Variants in PFKP observed in about 807,000 individuals in gnomAD.
The protein encoded by PFKP is phosphofructokinase, platelet.
Under a neutral mutation model 94.3 loss-of-function variants are expected in PFKP, and 101 were observed. That is an observed-to-expected ratio of 1.07 (90% CI 0.91 to 1.26). The LOEUF is 1.26. Among genes scored for constraint, PFKP ranks in the 50% most tolerant of loss-of-function variants. The probability of loss-of-function intolerance (pLI) is 0.00; values close to 1 mark genes in which losing one functional copy is unlikely to be tolerated. For synonymous variants in PFKP, 573 were observed against 432.6 expected, an observed-to-expected ratio of 1.32 and a Z score of -4.03; for missense variants, 1,145 against 1,103.3, an observed-to-expected ratio of 1.04 and a Z score of -0.53.
In PFKP at chr10:3,067,565, C is replaced by T. The variant is rs1392515808; in HGVS notation, c.-31C>T. On this transcript the variant is annotated 5_prime_UTR_variant, in exon 1 of 22. Transcript: ENST00000381125. ...GGGTCCCCATTGCCTGCTGCGCACCCGGACGTGCGGCTCCCCTCGGCCTCC... is the reference window on the plus strand; with the variant it reads ...GGGTCCCCATTGCCTGCTGCGCACCTGGACGTGCGGCTCCCCTCGGCCTCC... 1 of 1,230,738 alleles carries T rather than the reference C, an allele frequency of 8.1e-7. No individual in the cohort carries two copies. Among genetic ancestry groups the T allele is most frequent in the East Asian group, 2.9e-5 (1 of 33,994 alleles). 76.2% of individuals were successfully genotyped at this position (1,230,738 alleles called of 1,614,324 possible).
chr10:3,135,126 G>T (rs1431374515), intron 20 of PFKP, among the ~76,000 whole-genome samples: 1 of 152,130 alleles, frequency 6.6e-6, no homozygotes, highest in African/African-American at 2.4e-5. Flanking sequence ...TCTTGTTAAT[G>T]GCTCCAACAT....
chr10:3,088,568 G>A (rs1588428522), intron 2 of PFKP, among the ~76,000 whole-genome samples: 1 of 152,170 alleles, frequency 6.6e-6, no homozygotes. Flanking sequence ...CTTTGCAGGG[G>A]TGGGTTTGAT....
rs1564327726 is a variant in PFKP at position 3,115,469 on chromosome 10, CCA to C, written c.1372-1306_1372-1305del. Among the ~76,000 whole-genome samples, 21 of 35,750 alleles carry C rather than the reference CCA, an allele frequency of 5.9e-4. 8 individuals are homozygous for C. The East Asian group carries it at 6.5e-3, about 11-fold the overall frequency. The allele number at this position is 35,750 out of a possible 152,430, so 23.5% of individuals were successfully genotyped here. On this transcript the variant is annotated intron_variant, in intron 13 of 21. Transcript: ENST00000381125. Reference sequence around the variant, plus strand: ...TGCCGGGGTGAAGGTGTGTGTCCCGCCATGGAGGACAGGACTGGGGATGCTGG... The same window carrying C: ...TGCCGGGGTGAAGGTGTGTGTCCCGCTGGAGGACAGGACTGGGGATGCTGG...
chr10:3,113,357 C>A lies in PFKP; in HGVS notation c.1225-15C>A. 6.3e-7 allele frequency: 1 copy of A among 1,576,904 alleles called. No individual in the cohort carries two copies. Among genetic ancestry groups the A allele is most frequent in the Non-Finnish European group, 8.6e-7 (1 of 1,157,620 alleles). On this transcript the variant is annotated splice_polypyrimidine_tract_variant and intron_variant, in intron 12 of 21. Transcript: ENST00000381125. ...GTGCCCGTGACCCAGCACTCACCTG[C>A]CTTCTGTTTTGCAGACCAATTGCAA...
rs1002151885 is a variant in PFKP, at chr10:3,135,761, C to T, written c.2148C>T (p.Ser716=). Residue 716 remains serine, a synonymous_variant, in exon 21 of 22, where the codon TCC becomes TCT. Coordinates refer to ENST00000381125, the MANE Select transcript of PFKP (RefSeq NM_002627.5). Reference sequence around the variant, plus strand: ...GAAAAAAATTTACCACCGATGATTCCATTTGTGTGCTGGGAATAAGCAAAA... The same window carrying T: ...GAAAAAAATTTACCACCGATGATTCTATTTGTGTGCTGGGAATAAGCAAAA... ...GRGKKFTTDD[S]ICVLGISKRN... 8 of 1,612,000 alleles carry T rather than the reference C, an allele frequency of 5.0e-6. No individual in the cohort carries two copies. Among genetic ancestry groups the T allele is most frequent in the Admixed American group, 1.7e-5 (1 of 59,922 alleles).
intron 13 of PFKP, among the ~76,000 whole-genome samples, chr10:3,114,853 C>T (rs954820817): frequency 5.9e-5 from 9 of 152,218 alleles, no homozygotes; most frequent in African/African-American, 7.2e-5. Flanking sequence ...ATGTGAGATT[C>T]GAAGGTCCTG....
intron 21 of PFKP, 142 bp from the exon 22 acceptor site, chr10:3,136,308 G>A (rs1367327961): frequency 2.7e-6 from 2 of 727,426 alleles, no homozygotes; most frequent in South Asian, 1.8e-5. Flanking sequence ...ATTTGATCCT[G>A]AAATTGGCTT....
chr10:3,090,874 T>A (rs985636953), intron 2 of PFKP, among the ~76,000 whole-genome samples: 7 of 152,162 alleles, frequency 4.6e-5, no homozygotes, highest in African/African-American at 1.7e-4. Flanking sequence ...TCCAACAGAT[T>A]TTTTTCACCT....
intron 6 of PFKP, 72 bp downstream of exon 6, chr10:3,105,231 C>A: frequency 1.4e-6 from 2 of 1,436,390 alleles, no homozygotes; most frequent in Non-Finnish European, 2.0e-6. Context: ...CCTGAGGCTG[C>A]ACCCCACATC....
At chr10:3,096,484 A>G (rs977528239) in intron 2 of PFKP, among the ~76,000 whole-genome samples, 7 of 152,150 alleles carry the variant, frequency 4.6e-5, no homozygotes, top group African/African-American at 1.4e-4. Context: ...CGGCCGCTCT[A>G]CATCCCAGTC....
chr10:3,096,244 T>G (rs528312555), intron 2 of PFKP, among the ~76,000 whole-genome samples: 2 of 152,266 alleles, frequency 1.3e-5, no homozygotes, highest in South Asian at 4.2e-4. Context: ...CCAGGAATAC[T>G]CTGAAAGCTG....
intron 20 of PFKP, among the ~76,000 whole-genome samples, chr10:3,135,472 C>T (rs751514935): frequency 3.4e-4 from 51 of 152,140 alleles, no homozygotes; most frequent in Non-Finnish European, 6.0e-4. Flanking sequence ...TTCCCTATTC[C>T]ACTATTTAGT....
chr10:3,097,280 T>G (rs1227117790), intron 2 of PFKP, among the ~76,000 whole-genome samples: 1 of 151,846 alleles, frequency 6.6e-6, no homozygotes, highest in African/African-American at 2.4e-5. Context: ...TGAGTCCTTG[T>G]GTGGACAGAG....
chr10:3,111,698 C>T (rs377725309), intron 10 of PFKP, among the ~76,000 whole-genome samples: 18 of 152,104 alleles, frequency 1.2e-4, no homozygotes, highest in African/African-American at 3.4e-4. Context: ...AAGATCCTGA[C>T]GTTGCCCAGG....
intron 9 of PFKP, 44 bp downstream of exon 9, chr10:3,108,837 G>T (rs1835884023): frequency 7.2e-7 from 1 of 1,397,996 alleles, no homozygotes; most frequent in African/African-American, 1.4e-5. Context: ...TCTCTAGGAG[G>T]AAGCGTTTCT....
chr10:3,121,831 CTTTTTT>C (rs71497862), intron 16 of PFKP, among the ~76,000 whole-genome samples: 1,055 of 34,578 alleles, frequency 0.031, 25 homozygotes, highest in African/African-American at 0.091. Context: ...TTTTTTTTTT[CTTTTTT>C]TGGAGACAGG....
At chr10:3,079,674 G>GGGGGGGGGGA (rs1832892219) in intron 1 of PFKP, among the ~76,000 whole-genome samples, 1 of 74,446 alleles carries the variant, frequency 1.3e-5, no homozygotes, top group Non-Finnish European at 2.9e-5. Context: ...GGGGGGGGGG[G>GGGGGGGGGGA]AAGAGGAGCA....
Position 3,101,367 on chromosome 10 carries a change from C to T in PFKP, c.267C>T (p.Gly89=), listed in dbSNP as rs759258273. Residue 89 remains glycine (G), a splice_region_variant and synonymous_variant, in exon 4 of 22, where the codon GGC becomes GGT. Transcript: ENST00000381125. ...WESVSSILQV[G]GTIIGSARCQ... ...AAATTAGCTGGTGTCTTTCCCAGGG[C>T]GGGACGATCATTGGCAGTGCGCGGT... 44 of 1,580,694 alleles carry T rather than the reference C, an allele frequency of 2.8e-5. No individual in the cohort carries two copies. The highest frequency in any genetic ancestry group is 1.8e-4 in the Middle Eastern group (1 of 5,428).
At chr10:3,076,170 G>C (rs1323490824) in intron 1 of PFKP, among the ~76,000 whole-genome samples, 2 of 152,072 alleles carry the variant, frequency 1.3e-5, no homozygotes, top group Non-Finnish European at 2.9e-5. Context: ...AGTGTGTAAA[G>C]AAGCTTAAAG....
Sources: allele counts gnomAD v4.1 joint callset (sites outside exome capture counted in the v4.1 genomes callset), GRCh38; gene constraint gnomAD v4.1.1; transcripts MANE v1.5; gene names NCBI Gene and HGNC (gene_info 2026-07-23, HGNC 2026-07-21).